Variants in PTPRQ observed in about 807,000 individuals in gnomAD.
PTPRQ encodes the protein protein tyrosine phosphatase receptor type Q.
Under a neutral mutation model 246.0 loss-of-function variants are expected in PTPRQ, and 199 were observed. The observed-to-expected ratio is 0.81, with a 90% CI of 0.72 to 0.91. The LOEUF is 0.91. PTPRQ is among the 40% of genes least tolerant of loss of function. PTPRQ has a pLI of 0.00. For synonymous variants in PTPRQ, 869 were observed against 853.2 expected (o/e 1.02, Z -0.32); for missense variants, 2,624 against 2,528.4 (o/e 1.04, Z -0.81).
rs78951114 is a variant in PTPRQ at position 80,524,935 on chromosome 12, A to G, written c.2679-9080A>G. On this transcript the variant is annotated intron_variant, in intron 17 of 44. Transcript: ENST00000644991. ...TCTAAAAATAAAACAGCGCATTTAT[A>G]GGATTATAGAAGTCTGAATTTGGTA... Among the ~76,000 whole-genome samples, 1,023 of 152,310 alleles carry G rather than the reference A, an allele frequency of 6.7e-3. 13 individuals are homozygous for G. Among genetic ancestry groups the G allele is most frequent in the African/African-American group, 0.023 (968 of 41,562 alleles).
chr12:80,543,608 A>C (rs1165257020), intron 23 of PTPRQ, among the ~76,000 whole-genome samples: 2 of 152,174 alleles, frequency 1.3e-5, no homozygotes, highest in South Asian at 2.1e-4. Context: ...AAAAATCTGC[A>C]GTAAATATTT....
intron 36 of PTPRQ, among the ~76,000 whole-genome samples, 152 bp from the exon 37 acceptor site, chr12:80,649,436 A>C (rs1035962679): frequency 3.9e-5 from 6 of 152,142 alleles, no homozygotes; most frequent in African/African-American, 1.4e-4. Context: ...TAATTTTATA[A>C]GTATAACAGA....
intron 37 of PTPRQ, among the ~76,000 whole-genome samples, chr12:80,650,714 G>C (rs1900227666): frequency 6.6e-6 from 1 of 151,976 alleles, no homozygotes. Context: ...CTAGCATTTA[G>C]ACAGCAAGAA....
At chr12:80,528,986 A>G (rs750040208) in intron 17 of PTPRQ, among the ~76,000 whole-genome samples, 1 of 152,214 alleles carries the variant, frequency 6.6e-6, no homozygotes, top group Non-Finnish European at 1.5e-5. Context: ...AATGATGACA[A>G]TAGGAACAAT....
chr12:80,478,614 G>A (rs2120576237), intron 8 of PTPRQ, among the ~76,000 whole-genome samples: 1 of 152,234 alleles, frequency 6.6e-6, no homozygotes, highest in African/African-American at 2.4e-5. Context: ...AGGCAAAGAA[G>A]TTGAAAACTG....
chr12:80,482,766 C>T (rs1360934086), intron 8 of PTPRQ, among the ~76,000 whole-genome samples: 3 of 151,102 alleles, frequency 2.0e-5, no homozygotes, highest in Non-Finnish European at 4.4e-5. Context: ...CCAAAAGACA[C>T]ATGAAAAAAT....
intron 29 of PTPRQ, among the ~76,000 whole-genome samples, chr12:80,614,796 G>A (rs993004432): frequency 3.3e-5 from 5 of 150,748 alleles, no homozygotes; most frequent in African/African-American, 7.3e-5. Flanking sequence ...ATTGGTAATA[G>A]GAATAATAAC....
At chr12:80,525,270 A>T (rs911687430) in intron 17 of PTPRQ, among the ~76,000 whole-genome samples, 6 of 152,182 alleles carry the variant, frequency 3.9e-5, no homozygotes, top group Admixed American at 1.3e-4. Flanking sequence ...AATAGTCAAG[A>T]TTCTTTTTGT....
intron 25 of PTPRQ, among the ~76,000 whole-genome samples, chr12:80,565,975 T>A (rs1453033244): frequency 6.6e-6 from 1 of 152,198 alleles, no homozygotes; most frequent in East Asian, 1.9e-4. Context: ...AAGTAGCATT[T>A]TTTAGTATAT....
rs538457472 is a variant in PTPRQ, at chr12:80,450,541, A to G, written c.390+4824A>G. On this transcript the variant is annotated intron_variant, in intron 3 of 44. Coordinates refer to ENST00000644991, the MANE Select transcript of PTPRQ (RefSeq NM_001145026.2). ...GTCATAGATAGCTCTTATTATTTTG[A>G]GATACGTCCCATCAATACCTAATTT... Among the ~76,000 whole-genome samples the G allele has an allele frequency of 5.6e-3, 853 of 152,054 alleles. 8 individuals carry two copies. Among genetic ancestry groups the G allele is most frequent in the African/African-American group, 0.018 (735 of 41,354 alleles).
At chr12:80,582,889 A>G (rs565720945) in intron 25 of PTPRQ, among the ~76,000 whole-genome samples, 1 of 152,286 alleles carries the variant, frequency 6.6e-6, no homozygotes, top group Admixed American at 6.5e-5. Context: ...ACAAAACAAA[A>G]AAAACTTTTC....
At chr12:80,570,443 T>C (rs1897112868) in intron 25 of PTPRQ, among the ~76,000 whole-genome samples, 1 of 152,210 alleles carries the variant, frequency 6.6e-6, no homozygotes, top group Non-Finnish European at 1.5e-5. Flanking sequence ...GTTTTTTTTC[T>C]TGTAAATTTG....
At chr12:80,461,610 T>C (rs990605710) in intron 6 of PTPRQ, among the ~76,000 whole-genome samples, 16 of 150,590 alleles carry the variant, frequency 1.1e-4, no homozygotes, top group African/African-American at 3.9e-4. Context: ...AAGGTATTTA[T>C]TATATATATA....
intron 39 of PTPRQ, among the ~76,000 whole-genome samples, chr12:80,666,776 C>T (rs1289795715): frequency 1.3e-5 from 2 of 150,348 alleles, no homozygotes; most frequent in Admixed American, 1.3e-4. Flanking sequence ...ATTGATTTCT[C>T]TGTTTCTCTC....
At chr12:80,496,966 C>G (rs1039078406) in intron 14 of PTPRQ, among the ~76,000 whole-genome samples, 1 of 151,750 alleles carries the variant, frequency 6.6e-6, no homozygotes, top group Non-Finnish European at 1.5e-5. Flanking sequence ...ATGGAGGAGA[C>G]AGCATTTGGC....
At chr12:80,500,758 A>G (rs1894773854) in intron 14 of PTPRQ, among the ~76,000 whole-genome samples, 1 of 152,022 alleles carries the variant, frequency 6.6e-6, no homozygotes, top group African/African-American at 2.4e-5. Context: ...CGTACTAGGT[A>G]GTGTAGCTGT....
chr12:80,673,154 T>C lies in PTPRQ; in HGVS notation c.6603-15T>C. 1.3e-6 allele frequency: 2 copies of C among 1,549,728 alleles called. No individual in the cohort carries two copies. The highest frequency in any genetic ancestry group is 1.7e-6 in the Non-Finnish European group (2 of 1,145,694). ...CTTTGCTGAATAATTTTCATGTAATTTACCCTTCCTGTAGTGCTGGAGTTG... is the reference window on the plus strand; with the variant it reads ...CTTTGCTGAATAATTTTCATGTAATCTACCCTTCCTGTAGTGCTGGAGTTG... On this transcript the variant is annotated splice_polypyrimidine_tract_variant and intron_variant, in intron 42 of 44. Coordinates refer to ENST00000644991, the MANE Select transcript of PTPRQ (RefSeq NM_001145026.2).
intron 26 of PTPRQ, among the ~76,000 whole-genome samples, chr12:80,602,457 C>G (rs1898174541): frequency 6.6e-6 from 1 of 151,628 alleles, no homozygotes; most frequent in Non-Finnish European, 1.5e-5. Flanking sequence ...CATTTGTTTT[C>G]TTATAGTTCT....
chr12:80,636,385 C>A (rs1427687033), intron 35 of PTPRQ, among the ~76,000 whole-genome samples: 3 of 152,216 alleles, frequency 2.0e-5, no homozygotes, highest in Non-Finnish European at 4.4e-5. Flanking sequence ...GGAACACAAG[C>A]ACTGCTACTA....
Sources: gnomAD v4.1 joint callset for allele counts (sites outside exome capture counted in the v4.1 genomes callset) on GRCh38, gnomAD v4.1.1 for gene constraint, MANE v1.5 for transcripts, NCBI Gene and HGNC (gene_info 2026-07-23, HGNC 2026-07-21) for gene names.